Variants in ZNF37A observed in about 807,000 individuals in gnomAD.
ZNF37A encodes the protein zinc finger protein 37a (KOX 21).
ZNF37A carries 10 observed loss-of-function variants against 12.3 expected under a neutral mutation model. The ratio of observed to expected loss-of-function variants is 0.82; its 90% CI spans 0.50 to 1.38. The LOEUF (loss-of-function observed/expected upper bound fraction) is 1.38, where lower values mean the gene tolerates loss of function less well. Among genes scored for constraint, ZNF37A ranks in the 40% most tolerant of loss-of-function variants. The pLI is 0.00. For missense variants in ZNF37A, 580 were observed against 651.2 expected (o/e 0.89, Z 1.19); for synonymous variants, 207 against 223.0 (o/e 0.93, Z 0.64).
At chr10:38,135,299 C>T (rs578033372) in intron 7 of ZNF37A, among the ~76,000 whole-genome samples, 7 of 152,286 alleles carry the variant, frequency 4.6e-5, no homozygotes, top group East Asian at 1.9e-4. Flanking sequence ...GCAGGAGAAT[C>T]GCCTGAAACT....
chr10:38,111,383 A>G (rs2068637332), intron 5 of ZNF37A, among the ~76,000 whole-genome samples: 1 of 151,996 alleles, frequency 6.6e-6, no homozygotes, highest in Admixed American at 6.6e-5. Flanking sequence ...CCTTATGTAG[A>G]TGATGGGTTG....
At chr10:38,112,838 A>T (rs1273429531) in intron 5 of ZNF37A, among the ~76,000 whole-genome samples, 2 of 96,148 alleles carry the variant, frequency 2.1e-5, no homozygotes, top group South Asian at 2.8e-4. Context: ...ACAGAGTTTC[A>T]CTCTTTTTGC....
At chr10:38,130,395 A>G (rs563187984), downstream of ZNF37A, among the ~76,000 whole-genome samples, 1 of 152,292 alleles carries the variant, frequency 6.6e-6, no homozygotes, top group South Asian at 2.1e-4. Flanking sequence ...TACACCTTAC[A>G]GCAGAATTGC....
rs1038909673 is a variant in ZNF37A at position 38,124,289 on chromosome 10, T to C, written c.*5452T>C. 2.0e-5 allele frequency: 3 copies of C among 152,108 alleles called. No individual in the cohort carries two copies. Among genetic ancestry groups the C allele is most frequent in the African/African-American group, 4.8e-5 (2 of 41,400 alleles). The allele number at this position is 152,108 out of a possible 1,614,324, so 9.4% of individuals were successfully genotyped here. A position where few individuals can be genotyped will look rare whatever the true frequency, so the allele number is the denominator to read the frequency against. On this transcript the variant is annotated 3_prime_UTR_variant, in exon 8 of 8. Coordinates refer to ENST00000685332, the MANE Select transcript of ZNF37A (RefSeq NM_001324250.3). Reference sequence around the variant, plus strand: ...CTAAAGATGAAAACAACTGAACTTATAGAGGGTAGAAGGATGTTTACCAGA... The same window carrying C: ...CTAAAGATGAAAACAACTGAACTTACAGAGGGTAGAAGGATGTTTACCAGA...
At chr10:38,143,004 C>T (rs1176933272) in intron 7 of ZNF37A, 1 of 152,154 alleles carries the variant, frequency 6.6e-6, no homozygotes, top group Non-Finnish European at 1.5e-5. Flanking sequence ...TGTTATGTTT[C>T]CTTATTTTAT....
chr10:38,116,739 G>A (rs1462370264), intron 7 of ZNF37A, among the ~76,000 whole-genome samples: 5 of 152,200 alleles, frequency 3.3e-5, no homozygotes, highest in African/African-American at 1.2e-4. Flanking sequence ...ACCTGATCCT[G>A]TGGCAAGGAT....
At chr10:38,127,976 C>T (rs1433391244), downstream of ZNF37A, among the ~76,000 whole-genome samples, 2 of 152,072 alleles carry the variant, frequency 1.3e-5, no homozygotes, top group Non-Finnish European at 2.9e-5. Flanking sequence ...AACACATAGG[C>T]AGTTGAAACT....
At chr10:38,102,149 C>G (rs2067645634) in intron 5 of ZNF37A, among the ~76,000 whole-genome samples, 2 of 151,992 alleles carry the variant, frequency 1.3e-5, no homozygotes, top group African/African-American at 2.4e-5. Flanking sequence ...TTGCCAATTT[C>G]TGTCTTTTAG....
At chr10:38,108,888 G>A (rs897483510) in intron 5 of ZNF37A, among the ~76,000 whole-genome samples, 8 of 152,044 alleles carry the variant, frequency 5.3e-5, no homozygotes, top group South Asian at 2.1e-4. Context: ...ATTCACAGCC[G>A]AATACTACCA....
chr10:38,107,751 A>T (rs79410621), intron 5 of ZNF37A, among the ~76,000 whole-genome samples: 3 of 152,220 alleles, frequency 2.0e-5, no homozygotes. Context: ...CAAAAGAGAC[A>T]AAGAAGGGCA....
At chr10:38,146,816 A>G (rs1308317668) in exon 8 of ZNF37A, 28 of 398,360 alleles carry the variant, frequency 7.0e-5, no homozygotes, top group Admixed American at 3.1e-4. Context: ...ACCGAGCGGC[A>G]CTAGAGGAAT....
At chr10:38,108,405 C>A (rs563192770) in intron 5 of ZNF37A, among the ~76,000 whole-genome samples, 16 of 152,210 alleles carry the variant, frequency 1.1e-4, no homozygotes, top group African/African-American at 3.9e-4. Context: ...TAGGAAAGAT[C>A]TAAAATAGAC....
At chr10:38,141,741 ACCAT>A (rs1204390103) in intron 7 of ZNF37A, 2 of 152,164 alleles carry the variant, frequency 1.3e-5, no homozygotes, top group Non-Finnish European at 1.5e-5. Context: ...GCATATTGAA[ACCAT>A]CCACACTATC....
chr10:38,124,217 G>A lies in ZNF37A; in HGVS notation c.*5380G>A, dbSNP rs2069870383. 1.4e-5 allele frequency: 2 copies of A among 141,434 alleles called. No individual in the cohort carries two copies. The highest frequency in any genetic ancestry group is 4.4e-4 in the South Asian group (2 of 4,596). The allele number at this position is 141,434 out of a possible 1,614,324, so 8.8% of individuals were successfully genotyped here. On this transcript the variant is annotated 3_prime_UTR_variant, in exon 8 of 8. Transcript: ENST00000685332. ...AACTAGAGATCATTAAGTGAAATAA[G>A]CCAGGCACAGCAAGACAGACATCAT...
chr10:38,113,205 A>ATTTTT (rs71007697), intron 5 of ZNF37A, among the ~76,000 whole-genome samples: 53 of 75,848 alleles, frequency 7.0e-4, no homozygotes, highest in East Asian at 1.3e-3. Flanking sequence ...TTAGTCTGTG[A>ATTTTT]TTTTTTTTTT....
chr10:38,097,105 G>A (rs1280652776), intron 5 of ZNF37A, among the ~76,000 whole-genome samples: 1 of 152,214 alleles, frequency 6.6e-6, no homozygotes, highest in East Asian at 1.9e-4. Context: ...CAGATCTTGT[G>A]ATCTCACAGA....
intron 7 of ZNF37A, chr10:38,143,891 T>C (rs541930716): frequency 6.6e-6 from 1 of 152,320 alleles, no homozygotes; most frequent in East Asian, 1.9e-4. Flanking sequence ...TCAGCTGGGG[T>C]GTGGAGCTGC....
downstream of ZNF37A, among the ~76,000 whole-genome samples, chr10:38,126,819 C>A (rs1205492675): frequency 6.6e-6 from 1 of 151,590 alleles, no homozygotes; most frequent in Non-Finnish European, 1.5e-5. Flanking sequence ...AACTGCACCC[C>A]AGGCCGAAGC....
intron 7 of ZNF37A, among the ~76,000 whole-genome samples, chr10:38,133,225 CCT>C (rs1400509933): frequency 7.9e-5 from 12 of 152,134 alleles, no homozygotes; most frequent in Non-Finnish European, 1.3e-4. Flanking sequence ...ATTAATTCTG[CCT>C]ATTGTTCTTT....
Sources: gnomAD v4.1 joint callset for allele counts (sites outside exome capture counted in the v4.1 genomes callset) on GRCh38, gnomAD v4.1.1 for gene constraint, MANE v1.5 for transcripts, NCBI Gene and HGNC (gene_info 2026-07-23, HGNC 2026-07-21) for gene names.